The following CDK5RAP2 variants were observed in gnomAD, a reference collection of about 807,000 sequenced individuals.
CDK5RAP2 encodes the protein CDK5 regulatory subunit-associated protein 2.
CDK5RAP2 carries 147 observed loss-of-function variants against 232.9 expected under a neutral mutation model. The ratio of observed to expected loss-of-function variants is 0.63; its 90% CI spans 0.55 to 0.72. CDK5RAP2 has a LOEUF of 0.72. Among genes scored for constraint, CDK5RAP2 ranks in the 30% least tolerant of loss-of-function variants. CDK5RAP2 has a pLI of 0.00. For missense variants in CDK5RAP2, 2,195 were observed against 2,231.5 expected (o/e 0.98, Z 0.33); for synonymous variants, 833 against 833.7 (o/e 1.00, Z 0.01).
At chr9:120,571,615 C>A in intron 2 of CDK5RAP2, 1 of 355,988 alleles carries the variant, frequency 2.8e-6, no homozygotes, top group Non-Finnish European at 5.5e-6. Flanking sequence ...AAGGCCTTGG[C>A]ACGCTACAGT....
Position 120,389,102 on chromosome 9 carries a change from A to G in CDK5RAP2, c.*134T>C. ...TCTCAAGCCAACTTTCAGAGAGAAA[A>G]CATGAAGGGAAAAAATAGATTTCCT... On this transcript the variant is annotated 3_prime_UTR_variant, in exon 38 of 38. Coordinates refer to ENST00000349780, the MANE Select transcript of CDK5RAP2 (RefSeq NM_018249.6). 1.2e-6 allele frequency: 1 copy of G among 815,996 alleles called. No individual in the cohort carries two copies. Among genetic ancestry groups the G allele is most frequent in the Non-Finnish European group, 2.0e-6 (1 of 497,176 alleles). The allele number at this position is 815,996 out of a possible 1,614,324, so 50.5% of individuals were successfully genotyped here.
At chr9:120,429,399 A>C (rs1311602315) in intron 25 of CDK5RAP2, among the ~76,000 whole-genome samples, 1 of 152,152 alleles carries the variant, frequency 6.6e-6, no homozygotes, top group Non-Finnish European at 1.5e-5. Flanking sequence ...CTGATAAGCA[A>C]CTTCAGCAAA....
chr9:120,388,940 C>T lies in CDK5RAP2; in HGVS notation c.*296G>A. 1.9e-6 allele frequency: 1 copy of T among 513,510 alleles called. No individual in the cohort carries two copies. The allele number at this position is 513,510 out of a possible 1,614,324, so 31.8% of individuals were successfully genotyped here. ...GGCACTGGCTGAGTACTAAGCAAAT[C>T]CAGGGGAAGACGTGAAGCCCACCAA... On this transcript the variant is annotated 3_prime_UTR_variant, in exon 38 of 38. Coordinates refer to ENST00000349780, the MANE Select transcript of CDK5RAP2 (RefSeq NM_018249.6).
chr9:120,438,639 C>T (rs10122743), intron 24 of CDK5RAP2, among the ~76,000 whole-genome samples: 2,887 of 152,254 alleles, frequency 0.019, 74 homozygotes, highest in African/African-American at 0.063. Flanking sequence ...AAGAATACCT[C>T]CTTCTCAGGT....
chr9:120,460,521 T>G, intron 19 of CDK5RAP2, 51 bp downstream of exon 19: 1 of 1,547,696 alleles, frequency 6.5e-7, no homozygotes, highest in Non-Finnish European at 8.9e-7. Context: ...AAGACTGATT[T>G]GGACATAGAG....
chr9:120,577,702 C>T (rs1165370050), intron 1 of CDK5RAP2, among the ~76,000 whole-genome samples: 1 of 152,132 alleles, frequency 6.6e-6, no homozygotes, highest in Non-Finnish European at 1.5e-5. Flanking sequence ...AATCCTTATG[C>T]CAACCCTAGG....
chr9:120,474,037 T>G (rs1374119054), intron 15 of CDK5RAP2, among the ~76,000 whole-genome samples: 5 of 152,146 alleles, frequency 3.3e-5, no homozygotes. Context: ...GTTAGAGAGA[T>G]CGAAGCTCAA....
intron 15 of CDK5RAP2, among the ~76,000 whole-genome samples, chr9:120,473,780 G>A (rs1052661311): frequency 2.0e-5 from 3 of 152,238 alleles, no homozygotes; most frequent in Admixed American, 6.5e-5. Context: ...GAAAAAAAGA[G>A]ACTGTTTTAG....
At chr9:120,562,260 C>A (rs779174743) in intron 3 of CDK5RAP2, among the ~76,000 whole-genome samples, 2 of 152,060 alleles carry the variant, frequency 1.3e-5, no homozygotes, top group African/African-American at 2.4e-5. Context: ...TCCAAATGGC[C>A]TTCAAAAAGA....
chr9:120,447,232 C>T, intron 22 of CDK5RAP2, among the ~76,000 whole-genome samples: 1 of 152,270 alleles, frequency 6.6e-6, no homozygotes, highest in African/African-American at 2.4e-5. Flanking sequence ...TACTTATATG[C>T]TCAGCTGCAT....
intron 3 of CDK5RAP2, among the ~76,000 whole-genome samples, chr9:120,558,018 G>C (rs1300793891): frequency 6.8e-6 from 1 of 146,980 alleles, no homozygotes; most frequent in African/African-American, 2.5e-5. Context: ...TGCCCACCTC[G>C]GCCTCCCAAA....
chr9:120,454,432 A>T (rs2036640872), intron 20 of CDK5RAP2, among the ~76,000 whole-genome samples: 2 of 152,262 alleles, frequency 1.3e-5, no homozygotes, highest in South Asian at 4.1e-4. Flanking sequence ...CTGAAGATGG[A>T]TACAAATCCC....
At chr9:120,497,403 T>A (rs1588489695) in intron 12 of CDK5RAP2, among the ~76,000 whole-genome samples, 1 of 9,880 alleles carries the variant, frequency 1.0e-4, no homozygotes, top group South Asian at 4.3e-3. Flanking sequence ...CCAAGAATTA[T>A]CAATAAAAAA....
At chr9:120,537,053 G>A (rs2041424929) in intron 6 of CDK5RAP2, among the ~76,000 whole-genome samples, 1 of 151,606 alleles carries the variant, frequency 6.6e-6, no homozygotes, top group Non-Finnish European at 1.5e-5. Context: ...TCTAAATCAT[G>A]CAGGCAGTGT....
In CDK5RAP2 at chr9:120,439,870, G is replaced by T; in HGVS notation, c.3251C>A (p.Ser1084Tyr). ...GACTTTAGCAGAAGGCTGACTCTTG[G>T]AACTCAGGTAAGTAGCTACTGAAGT... The part of the protein sequence containing the change: ...SPTSVATYLS[S>Y]KSQPSAKVSV... Residue 1084 changes from serine to tyrosine, a missense_variant, in exon 24 of 38, where the codon TCC becomes TAC. Physicochemically the swap from Ser to Tyr is moderately radical, Grantham distance 144 (BLOSUM62 -2). Coordinates refer to ENST00000349780, the MANE Select transcript of CDK5RAP2 (RefSeq NM_018249.6). 6.2e-7 allele frequency: 1 copy of T among 1,614,142 alleles called. No homozygotes were observed. Among genetic ancestry groups the T allele is most frequent in the East Asian group, 2.2e-5 (1 of 44,878 alleles).
intron 1 of CDK5RAP2, among the ~76,000 whole-genome samples, chr9:120,572,481 A>G (rs767319320): frequency 6.6e-6 from 1 of 152,254 alleles, no homozygotes; most frequent in Non-Finnish European, 1.5e-5. Context: ...TACTATTATC[A>G]TTATGACTAC....
chr9:120,477,260 C>G, intron 15 of CDK5RAP2, 90 bp downstream of exon 15: 1 of 992,368 alleles, frequency 1.0e-6, no homozygotes. Context: ...CCTTAGAGAT[C>G]AGCACTGATT....
intron 21 of CDK5RAP2, among the ~76,000 whole-genome samples, chr9:120,452,238 GTCTCTCTCTC>G (rs373806149): frequency 1.0e-4 from 15 of 142,858 alleles, no homozygotes; most frequent in South Asian, 2.3e-4. Context: ...TATAATGGCA[GTCTCTCTCTC>G]TCTCTCTCTC....
intron 3 of CDK5RAP2, among the ~76,000 whole-genome samples, chr9:120,559,068 T>C (rs903387835): frequency 1.3e-5 from 2 of 152,178 alleles, no homozygotes; most frequent in African/African-American, 4.8e-5. Flanking sequence ...GAAGTTCACT[T>C]TTCCTACATG....
Sources: allele counts gnomAD v4.1 joint callset (sites outside exome capture counted in the v4.1 genomes callset), GRCh38; gene constraint gnomAD v4.1.1; transcripts MANE v1.5; gene names NCBI Gene and HGNC (gene_info 2026-07-23, HGNC 2026-07-21).